Variants in QTMAN observed in about 807,000 individuals in gnomAD.
QTMAN encodes the protein tRNA-queuosine alpha-mannosyltransferase.
chr2:143,999,843 G>C, the QTMAN span, among the ~76,000 whole-genome samples: 1 of 152,058 alleles, frequency 6.6e-6, no homozygotes, highest in East Asian at 1.9e-4. Flanking sequence ...CATGCTTAGT[G>C]AACTTTTTAA....
At chr2:144,135,796 G>A in the QTMAN span, among the ~76,000 whole-genome samples, 1 of 152,122 alleles carries the variant, frequency 6.6e-6, no homozygotes, top group African/African-American at 2.4e-5. Flanking sequence ...GTATTAAAAA[G>A]TATCTGGTTT....
At chr2:143,997,576 T>C in the QTMAN span, among the ~76,000 whole-genome samples, 1 of 152,116 alleles carries the variant, frequency 6.6e-6, no homozygotes, top group Non-Finnish European at 1.5e-5. Flanking sequence ...GCTCATTCCC[T>C]TGTGGTAAAG....
At chr2:144,090,380 AAAAT>A in the QTMAN span, among the ~76,000 whole-genome samples, 1 of 152,100 alleles carries the variant, frequency 6.6e-6, no homozygotes, top group East Asian at 1.9e-4. Context: ...TAAGAAAATT[AAAAT>A]AAATAAAAGG....
At chr2:144,250,466 G>C in the QTMAN span, among the ~76,000 whole-genome samples, 1 of 151,944 alleles carries the variant, frequency 6.6e-6, no homozygotes, top group Non-Finnish European at 1.5e-5. Flanking sequence ...AAAATGGGTA[G>C]TTTAAGTAAT....
chr2:144,032,641 A>G, the QTMAN span, among the ~76,000 whole-genome samples: 10 of 152,332 alleles, frequency 6.6e-5, no homozygotes, highest in Admixed American at 4.6e-4. Context: ...GGTAACAGAC[A>G]TTGCAAAACT....
At chr2:144,300,264 T>TG in the QTMAN span, among the ~76,000 whole-genome samples, 1 of 152,260 alleles carries the variant, frequency 6.6e-6, no homozygotes, top group Non-Finnish European at 1.5e-5. Context: ...GTAAATTTTA[T>TG]GTTAGGTCCA....
the QTMAN span, among the ~76,000 whole-genome samples, chr2:144,228,912 C>A: frequency 6.6e-6 from 1 of 151,866 alleles, no homozygotes; most frequent in African/African-American, 2.4e-5. Flanking sequence ...GAGCCAAGAT[C>A]GCGCCACTGC....
At chr2:143,983,541 C>T in the QTMAN span, among the ~76,000 whole-genome samples, 113 of 137,406 alleles carry the variant, frequency 8.2e-4, no homozygotes, top group African/African-American at 3.0e-3. Flanking sequence ...GGCGTGATCT[C>T]GGCTCACTGC....
At chr2:143,949,838 A>ATT in the QTMAN span, among the ~76,000 whole-genome samples, 8 of 150,868 alleles carry the variant, frequency 5.3e-5, no homozygotes, top group African/African-American at 1.9e-4. Context: ...TTTAGAAGGC[A>ATT]TTTTTTTTTC....
At chr2:144,133,388 A>G in the QTMAN span, among the ~76,000 whole-genome samples, 1 of 28,670 alleles carries the variant, frequency 3.5e-5, no homozygotes, top group Non-Finnish European at 7.9e-5. Context: ...ATAATATAAT[A>G]TATATTATAT....
At chr2:144,011,493 A>G in the QTMAN span, among the ~76,000 whole-genome samples, 2 of 152,096 alleles carry the variant, frequency 1.3e-5, no homozygotes, top group Non-Finnish European at 2.9e-5. Context: ...CTTCACATCA[A>G]TACCAAGATC....
the QTMAN span, among the ~76,000 whole-genome samples, chr2:144,003,078 T>C: frequency 6.6e-6 from 1 of 151,956 alleles, no homozygotes; most frequent in African/African-American, 2.4e-5. Flanking sequence ...TTAACATATA[T>C]TTGGTTCTTT....
chr2:144,009,529 T>C, the QTMAN span, among the ~76,000 whole-genome samples: 17 of 152,214 alleles, frequency 1.1e-4, no homozygotes, highest in Non-Finnish European at 1.9e-4. Flanking sequence ...TTCATAAAGA[T>C]CTTTAAATTT....
chr2:144,185,595 A>T, the QTMAN span, among the ~76,000 whole-genome samples: 1 of 152,224 alleles, frequency 6.6e-6, no homozygotes. Flanking sequence ...AAAGAGTACT[A>T]GTAACCATAA....
the QTMAN span, among the ~76,000 whole-genome samples, chr2:144,236,390 CTAACA>C: frequency 6.6e-6 from 1 of 152,132 alleles, no homozygotes; most frequent in Non-Finnish European, 1.5e-5. Flanking sequence ...TTGAAGAGAA[CTAACA>C]TGTTACCATA....
chr2:144,142,172 G>C, the QTMAN span: 1 of 632,446 alleles, frequency 1.6e-6, no homozygotes, highest in Non-Finnish European at 2.6e-6. Flanking sequence ...GGTTTGCAAA[G>C]AACTCTTCAC....
At chr2:144,148,966 A>G in the QTMAN span, among the ~76,000 whole-genome samples, 118 of 152,018 alleles carry the variant, frequency 7.8e-4, no homozygotes, top group Non-Finnish European at 1.4e-3. Flanking sequence ...TAAAACGGTA[A>G]AGTGGTCAAT....
chr2:144,078,257 T>C, the QTMAN span, among the ~76,000 whole-genome samples: 5 of 152,200 alleles, frequency 3.3e-5, no homozygotes, highest in East Asian at 7.7e-4. Context: ...TGACAGCATA[T>C]GATAGCAGAA....
the QTMAN span, among the ~76,000 whole-genome samples, chr2:144,292,993 T>C: frequency 3.9e-5 from 6 of 152,214 alleles, no homozygotes; most frequent in Non-Finnish European, 5.9e-5. Flanking sequence ...ATTTTGAAGA[T>C]ATTTTGTAAA....
Sources: gnomAD v4.1 joint callset for allele counts (sites outside exome capture counted in the v4.1 genomes callset) on GRCh38, gnomAD v4.1.1 for gene constraint, MANE v1.5 for transcripts, NCBI Gene and HGNC (gene_info 2026-07-23, HGNC 2026-07-21) for gene names.